Variants in GNB4 observed in about 807,000 individuals in gnomAD.
GNB4 encodes G protein subunit beta 4.
A neutral mutation model predicts 45.2 loss-of-function variants in GNB4; 28 were observed. That is an observed-to-expected ratio of 0.62 (90% CI 0.46 to 0.85). The LOEUF is 0.85. GNB4 is among the 40% of genes least tolerant of loss of function. The pLI, the probability that GNB4 is intolerant of heterozygous loss-of-function variation, is 0.00. For synonymous variants in GNB4, 132 were observed against 143.7 expected (o/e 0.92, Z 0.58); for missense variants, 321 against 425.4 (o/e 0.75, Z 2.16).
chr3:179,419,440 G>A lies in GNB4; in HGVS notation c.162C>T (p.His54=), dbSNP rs1714910812. The change falls in exon 4 of 10, where the codon CAC becomes CAT. Residue 54 remains histidine, a synonymous_variant. Coordinates refer to ENST00000232564, the MANE Select transcript of GNB4 (RefSeq NM_021629.4). ...QMRTRRTLRG[H]LAKIYAMHWG... is the part of the protein sequence containing the mutation. Reference sequence around the variant, plus strand: ...AATGCATAGCATAGATTTTAGCTAGGTGGCCCCTCAGTGTACGTCTTGTTC... The same window carrying A: ...AATGCATAGCATAGATTTTAGCTAGATGGCCCCTCAGTGTACGTCTTGTTC... 6.2e-7 allele frequency: 1 copy of A among 1,613,170 alleles called. No individual in the cohort carries two copies. The highest frequency in any genetic ancestry group is 1.7e-4 in the Middle Eastern group (1 of 6,060).
rs1374059735 is a variant in GNB4, at chr3:179,399,042, A to G, written c.*2171T>C. 3.3e-5 allele frequency: 5 copies of G among 152,196 alleles called. No homozygotes were observed. In the East Asian group the frequency reaches 9.6e-4, roughly 29 times the overall value. 9.4% of individuals were successfully genotyped at this position (152,196 alleles called of 1,614,324 possible). ...CATATTTAAGGTTATTTTTATGCAT[A>G]ATAGAATTGCTTTCTTCTGACTAAC... On this transcript the variant is annotated 3_prime_UTR_variant, in exon 10 of 10. Coordinates refer to ENST00000232564, the MANE Select transcript of GNB4 (RefSeq NM_021629.4).
the GNB4 span, among the ~76,000 whole-genome samples, chr3:179,505,597 C>T: frequency 6.6e-6 from 1 of 152,160 alleles, no homozygotes; most frequent in Non-Finnish European, 1.5e-5. Context: ...GATTTTATTC[C>T]TGCTCTCAAT....
chr3:179,413,830 TCA>T (rs1560213548), intron 6 of GNB4, 49 bp from the exon 7 acceptor site: 1 of 1,330,806 alleles, frequency 7.5e-7, no homozygotes, highest in Admixed American at 1.8e-5. Context: ...ATTGAATAAC[TCA>T]GTTACCATGT....
rs1714284435 is a variant in GNB4 at position 179,401,120 on chromosome 3, C to A, written c.*93G>T. ...AGATAATCTAATAGAAAAATCTTCA[C>A]CTGCAAATATAAGGTAGAATTTTTT... is the stretch of plus-strand genomic sequence containing the variant. On this transcript the variant is annotated 3_prime_UTR_variant, in exon 10 of 10. Transcript: ENST00000232564. 1 of 697,352 alleles carries A rather than the reference C, an allele frequency of 1.4e-6. No homozygotes were observed. The highest frequency in any genetic ancestry group is 2.1e-6 in the Non-Finnish European group (1 of 466,444). 43.2% of individuals were successfully genotyped at this position (697,352 alleles called of 1,614,324 possible). A position where few individuals can be genotyped will look rare whatever the true frequency, so the allele number is the denominator to read the frequency against.
At chr3:179,472,356 CCT>C in the GNB4 span, among the ~76,000 whole-genome samples, 1 of 137,572 alleles carries the variant, frequency 7.3e-6, no homozygotes, top group Admixed American at 7.8e-5. Flanking sequence ...CCTTTCCTTT[CCT>C]TTTCTTTCTT....
the GNB4 span, among the ~76,000 whole-genome samples, chr3:179,489,299 C>T: frequency 3.2e-4 from 48 of 151,652 alleles, no homozygotes; most frequent in African/African-American, 1.0e-3. Context: ...TTTCTCATTA[C>T]GCTTATCTCT....
chr3:179,454,492 G>T (rs1347720531), upstream of GNB4, among the ~76,000 whole-genome samples: 2 of 152,108 alleles, frequency 1.3e-5, no homozygotes, highest in Non-Finnish European at 2.9e-5. Context: ...CTTTTGCAGG[G>T]TGTTTTGCTT....
the GNB4 span, among the ~76,000 whole-genome samples, chr3:179,477,979 G>T: frequency 6.6e-6 from 1 of 152,120 alleles, no homozygotes; most frequent in Non-Finnish European, 1.5e-5. Flanking sequence ...GAATACCATA[G>T]ACAGGGTAAT....
chr3:179,460,158 G>T, the GNB4 span, among the ~76,000 whole-genome samples: 2 of 152,124 alleles, frequency 1.3e-5, 1 homozygote, highest in South Asian at 4.1e-4. Context: ...CTTATTGCTT[G>T]TTACAGATAT....
intron 1 of GNB4, among the ~76,000 whole-genome samples, chr3:179,446,103 T>C (rs1013804118): frequency 6.6e-6 from 1 of 152,166 alleles, no homozygotes; most frequent in Non-Finnish European, 1.5e-5. Flanking sequence ...TACTGGAAAA[T>C]GGAACTGAGG....
intron 8 of GNB4, among the ~76,000 whole-genome samples, chr3:179,408,197 TAGG>T (rs1282545977): frequency 6.6e-6 from 1 of 151,098 alleles, no homozygotes; most frequent in Non-Finnish European, 1.5e-5. Flanking sequence ...GACCTATAAT[TAGG>T]AGAAAAATTA....
chr3:179,463,945 A>G, the GNB4 span, among the ~76,000 whole-genome samples: 43 of 152,304 alleles, frequency 2.8e-4, no homozygotes, highest in African/African-American at 9.9e-4. Context: ...TGTATTATAT[A>G]CTTAATATTT....
rs751663460 is a variant in GNB4 at position 179,419,584 on chromosome 3, T to C, written c.97-79A>G. 2.0e-4 allele frequency: 174 copies of C among 874,870 alleles called. No individual in the cohort carries two copies. Among genetic ancestry groups the C allele is most frequent in the Non-Finnish European group, 3.0e-4 (154 of 518,246 alleles). The allele number at this position is 874,870 out of a possible 1,614,324, so 54.2% of individuals were successfully genotyped here. On this transcript the variant is annotated intron_variant, in intron 3 of 9. Transcript: ENST00000232564. ...AACTTGAACTAGAAACAGTGAGGAG[T>C]TAAAAAAGCAAACATAAAGTACATT...
chr3:179,448,592 T>C (rs1013584067), intron 1 of GNB4, among the ~76,000 whole-genome samples: 4 of 152,216 alleles, frequency 2.6e-5, no homozygotes, highest in African/African-American at 9.6e-5. Context: ...TTTTTGAACA[T>C]AAAAAAGACT....
chr3:179,468,625 A>T, the GNB4 span, among the ~76,000 whole-genome samples: 1 of 152,178 alleles, frequency 6.6e-6, no homozygotes, highest in Non-Finnish European at 1.5e-5. Context: ...ACTGACCAGC[A>T]CTAACATTAA....
chr3:179,503,386 C>T, the GNB4 span, among the ~76,000 whole-genome samples: 4 of 151,134 alleles, frequency 2.6e-5, no homozygotes, highest in Non-Finnish European at 4.4e-5. Flanking sequence ...ATCTAGGTGG[C>T]GAATATATGA....
At chr3:179,471,554 C>T in the GNB4 span, among the ~76,000 whole-genome samples, 1 of 152,216 alleles carries the variant, frequency 6.6e-6, no homozygotes, top group African/African-American at 2.4e-5. Flanking sequence ...TAGGCCATAC[C>T]TTACAGCCTA....
At chr3:179,425,277 G>A (rs1175844944) in intron 2 of GNB4, among the ~76,000 whole-genome samples, 1 of 152,112 alleles carries the variant, frequency 6.6e-6, no homozygotes, top group Non-Finnish European at 1.5e-5. Flanking sequence ...CCACGCAGAC[G>A]CCTCCTCTCA....
At chr3:179,489,019 A>AATATAT in the GNB4 span, among the ~76,000 whole-genome samples, 183 of 21,362 alleles carry the variant, frequency 8.6e-3, 4 homozygotes, top group Middle Eastern at 0.062. Context: ...AAAAAAAAAA[A>AATATAT]ATATATATAT....
Sources: gnomAD v4.1 joint callset for allele counts (sites outside exome capture counted in the v4.1 genomes callset) on GRCh38, gnomAD v4.1.1 for gene constraint, MANE v1.5 for transcripts, NCBI Gene and HGNC (gene_info 2026-07-23, HGNC 2026-07-21) for gene names.